ASIC2: variants seen among roughly 807,000 people sequenced by gnomAD.
ASIC2 encodes acid-sensing ion channel 2.
A neutral mutation model predicts 57.3 loss-of-function variants in ASIC2; 25 were observed. The observed-to-expected ratio is 0.44, with a 90% CI of 0.32 to 0.61. ASIC2 has a LOEUF of 0.61. ASIC2 is among the 20% of genes least tolerant of loss of function. The pLI, the probability that ASIC2 is intolerant of heterozygous loss-of-function variation, is 0.06. For synonymous variants in ASIC2, 319 were observed against 307.5 expected, an observed-to-expected ratio of 1.04 and a Z score of -0.39; for missense variants, 641 against 738.1, an observed-to-expected ratio of 0.87 and a Z score of 1.52.
intron 1 of ASIC2, among the ~76,000 whole-genome samples, chr17:33,122,731 A>T (rs2092307778): frequency 6.6e-6 from 1 of 152,162 alleles, no homozygotes; most frequent in Non-Finnish European, 1.5e-5. Context: ...TATTAACTAT[A>T]GTCACCATGC....
chr17:33,912,746 G>A (rs1385992591), intron 1 of ASIC2, among the ~76,000 whole-genome samples: 1 of 151,932 alleles, frequency 6.6e-6, no homozygotes, highest in Non-Finnish European at 1.5e-5. Context: ...TTGGGAGGCG[G>A]AGGTGGGCGG....
At chr17:33,280,197 C>T (rs1597664002) in intron 1 of ASIC2, among the ~76,000 whole-genome samples, 1 of 152,086 alleles carries the variant, frequency 6.6e-6, no homozygotes, top group African/African-American at 2.4e-5. Context: ...AAGATGAAAG[C>T]CCGAAACACT....
Position 33,188,802 on chromosome 17 carries a change from G to T in ASIC2, c.709-76735C>A, listed in dbSNP as rs548074907. Among the ~76,000 whole-genome samples the T allele has an allele frequency of 2.0e-5, 3 of 152,124 alleles. No individual in the cohort carries two copies. In the East Asian group the frequency reaches 5.8e-4, roughly 29 times the overall value. The stretch of plus-strand genomic sequence containing the variant: ...GAAAACAATTACCACATGAAATACT[G>T]AAATAAGTCCTTTAAGCATAAAATA... On this transcript the variant is annotated intron_variant, in intron 1 of 9. Coordinates refer to ENST00000225823, the MANE Select transcript of ASIC2 (RefSeq NM_183377.2).
chr17:33,362,804 A>G, intron 1 of ASIC2, among the ~76,000 whole-genome samples: 1 of 152,224 alleles, frequency 6.6e-6, no homozygotes, highest in East Asian at 1.9e-4. Context: ...CAATCACCAG[A>G]GCAGGCATTG....
intron 1 of ASIC2, among the ~76,000 whole-genome samples, chr17:33,913,316 AT>A (rs951150389): frequency 2.3e-4 from 35 of 149,928 alleles, no homozygotes; most frequent in Middle Eastern, 3.5e-3. Flanking sequence ...AACTGTAAAC[AT>A]TTTTTTTTTA....
intron 1 of ASIC2, among the ~76,000 whole-genome samples, chr17:33,322,371 G>C (rs1257400547): frequency 6.6e-6 from 1 of 152,190 alleles, no homozygotes; most frequent in Admixed American, 6.5e-5. Flanking sequence ...TCATGGCCCT[G>C]CTCTGGTGGT....
At chr17:33,473,710 A>G (rs891952441) in intron 1 of ASIC2, among the ~76,000 whole-genome samples, 10 of 152,162 alleles carry the variant, frequency 6.6e-5, no homozygotes, top group Non-Finnish European at 1.3e-4. Context: ...GAAATAAATG[A>G]GGAACCTAGC....
chr17:33,857,838 A>C (rs545670946), intron 1 of ASIC2, among the ~76,000 whole-genome samples: 4 of 152,346 alleles, frequency 2.6e-5, no homozygotes, highest in Admixed American at 1.3e-4. Flanking sequence ...TAACTAATTC[A>C]CAATTACAGA....
At chr17:33,388,112 C>CAA (rs760493731) in intron 1 of ASIC2, among the ~76,000 whole-genome samples, 15 of 141,092 alleles carry the variant, frequency 1.1e-4, no homozygotes, top group African/African-American at 2.3e-4. Flanking sequence ...CAAAACAAAA[C>CAA]AACAACAACA....
chr17:33,061,682 G>A (rs1408859067), intron 3 of ASIC2, among the ~76,000 whole-genome samples: 3 of 152,184 alleles, frequency 2.0e-5, no homozygotes, highest in Non-Finnish European at 2.9e-5. Flanking sequence ...CTCATAAAAC[G>A]AGTTAGGGAG....
chr17:33,672,989 G>A (rs1199497634), intron 1 of ASIC2, among the ~76,000 whole-genome samples: 1 of 152,228 alleles, frequency 6.6e-6, no homozygotes, highest in Non-Finnish European at 1.5e-5. Context: ...CGCCCAGCAT[G>A]TAGCAAGTTG....
intron 1 of ASIC2, among the ~76,000 whole-genome samples, chr17:33,454,641 A>G (rs1912384773): frequency 1.3e-5 from 2 of 152,238 alleles, no homozygotes; most frequent in South Asian, 4.1e-4. Context: ...CAATTGTCTC[A>G]GTCCATTCCT....
intron 1 of ASIC2, among the ~76,000 whole-genome samples, chr17:33,407,692 T>C (rs1910516823): frequency 6.6e-6 from 1 of 152,240 alleles, no homozygotes; most frequent in Non-Finnish European, 1.5e-5. Context: ...GCTTCAGGCC[T>C]TTGCAGATGG....
At chr17:33,089,258 G>T (rs576730411) in intron 2 of ASIC2, among the ~76,000 whole-genome samples, 1 of 152,300 alleles carries the variant, frequency 6.6e-6, no homozygotes, top group South Asian at 2.1e-4. Context: ...AATCACAGAG[G>T]TTCCTATGAA....
At chr17:33,617,745 G>A (rs1473358664) in intron 1 of ASIC2, among the ~76,000 whole-genome samples, 1 of 152,166 alleles carries the variant, frequency 6.6e-6, no homozygotes, top group African/African-American at 2.4e-5. Context: ...AAATAGATAA[G>A]TTCCTGGGTT....
intron 1 of ASIC2, among the ~76,000 whole-genome samples, chr17:33,154,547 T>C (rs1260568844): frequency 6.6e-6 from 1 of 152,098 alleles, no homozygotes; most frequent in Non-Finnish European, 1.5e-5. Context: ...TCAGAGAAGT[T>C]AAGAAACTTT....
chr17:33,626,165 GTTAAC>G (rs1905976520), intron 1 of ASIC2, among the ~76,000 whole-genome samples: 1 of 152,102 alleles, frequency 6.6e-6, no homozygotes, highest in African/African-American at 2.4e-5. Context: ...TAAGTTCTTT[GTTAAC>G]TTAAGGAGCT....
chr17:33,867,045 A>G (rs1003119509), intron 1 of ASIC2, among the ~76,000 whole-genome samples: 1 of 152,210 alleles, frequency 6.6e-6, no homozygotes, highest in Non-Finnish European at 1.5e-5. Flanking sequence ...CTACTGCTGC[A>G]GACGTTGATT....
intron 1 of ASIC2, among the ~76,000 whole-genome samples, chr17:33,675,174 C>A (rs950816452): frequency 1.3e-5 from 2 of 152,196 alleles, no homozygotes; most frequent in African/African-American, 4.8e-5. Flanking sequence ...CGTTATTTCC[C>A]TTTAACCCTT....
Sources: gnomAD v4.1 joint callset for allele counts (sites outside exome capture counted in the v4.1 genomes callset) on GRCh38, gnomAD v4.1.1 for gene constraint, MANE v1.5 for transcripts, NCBI Gene and HGNC (gene_info 2026-07-23, HGNC 2026-07-21) for gene names.